Variants in ABI3BP observed in about 807,000 individuals in gnomAD.
ABI3BP encodes the protein target of Nesh-SH3.
Under a neutral mutation model 268.6 loss-of-function variants are expected in ABI3BP, and 216 were observed. The observed-to-expected ratio is 0.80, with a 90% confidence interval of 0.72 to 0.90. The LOEUF (loss-of-function observed/expected upper bound fraction) is 0.90, where lower values mean the gene tolerates loss of function less well. ABI3BP is among the 40% of genes least tolerant of loss of function. ABI3BP has a pLI of 0.00. For synonymous variants in ABI3BP, 730 were observed against 730.0 expected, an observed-to-expected ratio of 1.00 and a Z score of 0.00; for missense variants, 2,090 against 2,182.4, an observed-to-expected ratio of 0.96 and a Z score of 0.84.
chr3:100,799,601 C>T (rs533839748), intron 51 of ABI3BP, among the ~76,000 whole-genome samples: 302 of 152,236 alleles, frequency 2.0e-3, no homozygotes, highest in Non-Finnish European at 3.2e-3. Flanking sequence ...ATTGCCACTG[C>T]AATGCCATTG....
chr3:100,874,043 A>G (rs1002657130), intron 9 of ABI3BP, among the ~76,000 whole-genome samples: 2 of 152,180 alleles, frequency 1.3e-5, no homozygotes, highest in African/African-American at 4.8e-5. Flanking sequence ...TAACAGCCCA[A>G]GGTATTCTCT....
At chr3:100,872,709 A>G (rs945029998) in intron 9 of ABI3BP, among the ~76,000 whole-genome samples, 9 of 152,182 alleles carry the variant, frequency 5.9e-5, no homozygotes, top group African/African-American at 2.2e-4. Context: ...ACACAGATCC[A>G]CTGAGGGATC....
chr3:100,837,718 G>A (rs758005790), intron 26 of ABI3BP, among the ~76,000 whole-genome samples: 3 of 152,098 alleles, frequency 2.0e-5, no homozygotes, highest in Non-Finnish European at 4.4e-5. Flanking sequence ...TTGCACCACT[G>A]TACTCCAACC....
At chr3:100,973,003 T>G (rs1554242726) in intron 1 of ABI3BP, among the ~76,000 whole-genome samples, 2 of 152,186 alleles carry the variant, frequency 1.3e-5, no homozygotes, top group Non-Finnish European at 2.9e-5. Flanking sequence ...TGTAAACAAG[T>G]GTCCTTTTCA....
chr3:100,823,499 A>C lies in ABI3BP; in HGVS notation c.2762T>G (p.Leu921Arg). 1 of 1,534,542 alleles carries C rather than the reference A, an allele frequency of 6.5e-7. No individual in the cohort carries two copies. The highest frequency in any genetic ancestry group is 8.7e-7 in the Non-Finnish European group (1 of 1,146,122). ...CTCAGGTCTAAGAGTGACAGGTTCT[A>C]GGACTGTAGCAGGAACTGACCAAAA... ...PETKPVPATV[L>R]EPVTLRPEAS... The change falls in exon 37 of 68, where the codon CTA (leucine) becomes CGA (arginine). Residue 921 changes from leucine (L) to arginine (R), a missense_variant. Leu to Arg is a moderately radical substitution (Grantham distance 102). Coordinates refer to ENST00000471714, the MANE Select transcript of ABI3BP (RefSeq NM_001375547.2).
At chr3:100,818,117 A>T (rs2098112325) in intron 41 of ABI3BP, among the ~76,000 whole-genome samples, 1 of 152,204 alleles carries the variant, frequency 6.6e-6, no homozygotes, top group Non-Finnish European at 1.5e-5. Flanking sequence ...TCATTCCTTG[A>T]AACAAAAAAA....
At chr3:100,776,752 A>G (rs1385211917) in intron 59 of ABI3BP, among the ~76,000 whole-genome samples, 1 of 152,180 alleles carries the variant, frequency 6.6e-6, no homozygotes, top group African/African-American at 2.4e-5. Flanking sequence ...CAGAAGTGGA[A>G]TGTATTTACA....
intron 60 of ABI3BP, 136 bp from the exon 61 acceptor site, chr3:100,774,809 A>T: frequency 1.4e-6 from 1 of 701,652 alleles, no homozygotes; most frequent in Non-Finnish European, 2.3e-6. Context: ...AAAATTATAC[A>T]TATTCATCCA....
chr3:100,981,342 T>G (rs1269031058), intron 1 of ABI3BP, among the ~76,000 whole-genome samples: 1 of 151,616 alleles, frequency 6.6e-6, no homozygotes, highest in East Asian at 1.9e-4. Flanking sequence ...TGGGCCAAAG[T>G]GGTCAGCAGG....
At chr3:100,816,841 G>T in intron 42 of ABI3BP, 73 bp from the exon 43 acceptor site, 1 of 1,043,972 alleles carries the variant, frequency 9.6e-7, no homozygotes, top group Non-Finnish European at 1.4e-6. Flanking sequence ...TTAAAGGTAT[G>T]TCATATTTCC....
In ABI3BP at chr3:100,752,028, G is replaced by T. The variant is rs375491500; in HGVS notation, c.5123-354C>A. Among the ~76,000 whole-genome samples, 32 of 152,304 alleles carry T rather than the reference G, an allele frequency of 2.1e-4. No homozygotes were observed. The South Asian group carries it at 6.4e-3, about 31-fold the overall frequency. The stretch of plus-strand genomic sequence containing the variant: ...GGGCCATACTGGTGGAACTGGCCAG[G>T]TGTATTCTACCTTAGGCCTTTGACC... On this transcript the variant is annotated intron_variant, in intron 66 of 67. Transcript: ENST00000471714.
At chr3:100,832,793 CAGAA>C (rs2098515276) in intron 30 of ABI3BP, among the ~76,000 whole-genome samples, 1 of 151,922 alleles carries the variant, frequency 6.6e-6, no homozygotes, top group South Asian at 2.1e-4. Context: ...ATTTGAAAAA[CAGAA>C]AGGTGCATAA....
chr3:100,889,454 A>G (rs1268275060), intron 4 of ABI3BP, among the ~76,000 whole-genome samples: 4 of 152,184 alleles, frequency 2.6e-5, no homozygotes, highest in African/African-American at 9.7e-5. Flanking sequence ...ATTTCACATT[A>G]TTGAAGGCTT....
chr3:100,975,016 C>T (rs1044645812), intron 1 of ABI3BP, among the ~76,000 whole-genome samples: 9 of 151,934 alleles, frequency 5.9e-5, no homozygotes, highest in Middle Eastern at 3.4e-3. Context: ...TGATAAGAAG[C>T]TTAGTTATTT....
chr3:100,804,963 T>C, intron 50 of ABI3BP, 97 bp from the exon 51 acceptor site: 2 of 973,564 alleles, frequency 2.1e-6, no homozygotes, highest in South Asian at 1.3e-5. Flanking sequence ...TGAACACTGA[T>C]AAAACAAAGC....
chr3:100,801,436 A>AAAAAAAAG (rs2097533565), intron 51 of ABI3BP, among the ~76,000 whole-genome samples: 1 of 145,372 alleles, frequency 6.9e-6, no homozygotes, highest in South Asian at 2.3e-4. Context: ...AAAAAAAAAA[A>AAAAAAAAG]AAAAGAAAAG....
chr3:100,970,019 C>T (rs926729896), intron 1 of ABI3BP, among the ~76,000 whole-genome samples: 2 of 152,078 alleles, frequency 1.3e-5, no homozygotes, highest in Non-Finnish European at 2.9e-5. Flanking sequence ...TCCCATGGGG[C>T]TACTCTCATA....
intron 6 of ABI3BP, 84 bp downstream of exon 6, chr3:100,885,452 T>C: frequency 1.4e-6 from 1 of 736,074 alleles, no homozygotes; most frequent in Non-Finnish European, 2.0e-6. Flanking sequence ...TTAATCTAAT[T>C]TCAGTATCTT....
chr3:100,868,769 A>C (rs2099078690), intron 9 of ABI3BP, among the ~76,000 whole-genome samples: 2 of 152,256 alleles, frequency 1.3e-5, no homozygotes, highest in African/African-American at 2.4e-5. Context: ...GCATTGTTCA[A>C]ATTAATTTAG....
Sources: gnomAD v4.1 joint callset for allele counts (sites outside exome capture counted in the v4.1 genomes callset) on GRCh38, gnomAD v4.1.1 for gene constraint, MANE v1.5 for transcripts, NCBI Gene and HGNC (gene_info 2026-07-23, HGNC 2026-07-21) for gene names.